Variants in NES observed in about 807,000 individuals in gnomAD.
NES encodes the protein nestin.
In NES, 27 loss-of-function variants were observed where a neutral mutation model predicts 35.6. The observed-to-expected ratio is 0.76, with a 90% confidence interval of 0.56 to 1.04. The LOEUF (loss-of-function observed/expected upper bound fraction) is 1.04, where lower values mean the gene tolerates loss of function less well. NES is among the 50% of genes least tolerant of loss of function. NES has a pLI of 0.00. For missense variants in NES, 1,867 were observed against 1,983.6 expected (o/e 0.94, Z 1.12); for synonymous variants, 822 against 824.2 (o/e 1.00, Z 0.04).
chr1:156,676,922 C>A lies in NES; in HGVS notation c.343G>T (p.Ala115Ser). 6.4e-7 allele frequency: 1 copy of A among 1,552,466 alleles called. No individual in the cohort carries two copies. The highest frequency in any genetic ancestry group is 8.6e-7 in the Non-Finnish European group (1 of 1,158,180). ...CGGGCGCATTTCTCTGCCTCGACGG[C>A]GCGCCGGTTGCGGGCTACCTCCTCC... ...TTEEVARNRR[A>S]VEAEKCARAW... Residue 115 changes from alanine (A) to serine (S), a missense_variant, in exon 1 of 4, where the codon GCC becomes TCC. Transcript: ENST00000368223. The surrounding 1 kb of genome is among the most constrained non-coding windows in gnomAD (Gnocchi z 5.3).
At position 156,672,458 on chromosome 1, in the gene NES, C is replaced by T. The variant is rs1413915375; in HGVS notation, c.1730G>A (p.Arg577Lys). The change falls in exon 4 of 4, where the codon AGG becomes AAG. Residue 577 changes from arginine to lysine, a missense_variant. By Grantham distance (26) the Arg-to-Lys change is conservative. Transcript: ENST00000368223. ...TLERENQECPRSLEEDLETLK... is the reference protein window; with the variant it reads ...TLERENQECPKSLEEDLETLK... ...TGTTTCTAAGTCTTCTTCTAAAGAC[C>T]TCGGACATTCTTGATTCTCCCTTTC... is the stretch of plus-strand genomic sequence containing the variant. 1 of 1,611,740 alleles carries T rather than the reference C, an allele frequency of 6.2e-7. No homozygotes were observed. Among genetic ancestry groups the T allele is most frequent in the African/African-American group, 1.3e-5 (1 of 74,584 alleles).
chr1:156,674,294 G>A (rs528828227), intron 2 of NES, among the ~76,000 whole-genome samples: 1 of 152,234 alleles, frequency 6.6e-6, no homozygotes, highest in Non-Finnish European at 1.5e-5. Flanking sequence ...ATGAGCAGCT[G>A]CTCCTCTCTG....
chr1:156,669,235 T>C lies in NES; in HGVS notation c.*87A>G. 1.2e-6 allele frequency: 1 copy of C among 867,698 alleles called. No homozygotes were observed. Among genetic ancestry groups the C allele is most frequent in the Non-Finnish European group, 1.7e-6 (1 of 571,966 alleles). 53.7% of individuals were successfully genotyped at this position (867,698 alleles called of 1,614,324 possible). A position where few individuals can be genotyped will look rare whatever the true frequency, so the allele number is the denominator to read the frequency against. On this transcript the variant is annotated 3_prime_UTR_variant, in exon 4 of 4. Transcript: ENST00000368223. ...ATGTCAAGAGATCGTAAGTTAAGAG[T>C]GCTGCTCCTGAGCAGGGAGCGGGCT... is the stretch of plus-strand genomic sequence containing the variant.
chr1:156,675,657 C>G (rs771364293), intron 1 of NES, among the ~76,000 whole-genome samples: 1 of 151,726 alleles, frequency 6.6e-6, no homozygotes, highest in Non-Finnish European at 1.5e-5. Flanking sequence ...AGGGAGGAGA[C>G]GAGATGGGTT....
In NES at chr1:156,670,307, G is replaced by A; in HGVS notation, c.3881C>T (p.Thr1294Ile). 2 of 1,611,854 alleles carry A rather than the reference G, an allele frequency of 1.2e-6. No homozygotes were observed. Among genetic ancestry groups the A allele is most frequent in the Non-Finnish European group, 1.7e-6 (2 of 1,178,754 alleles). ...EESEEDELGE[T>I]LPDSTPLGFY... is the part of the protein sequence containing the mutation. ...GCCCAGGGGAGTGGAGTCTGGAAGG[G>A]TCTCCCCGAGCTCATCCTCCTCGCT... The change falls in exon 4 of 4, where the codon ACC (threonine) becomes ATC (isoleucine). Residue 1294 changes from threonine (T) to isoleucine (I), a missense_variant. Thr to Ile is a moderately conservative substitution (Grantham distance 89). Transcript: ENST00000368223.
rs567586438 is a variant in NES at position 156,673,577 on chromosome 1, C to A, written c.909-50G>T. 1.6e-5 allele frequency: 23 copies of A among 1,454,698 alleles called. 1 individual carries two copies. In the South Asian group the frequency reaches 2.2e-4, roughly 14 times the overall value. 90.1% of individuals were successfully genotyped at this position (1,454,698 alleles called of 1,614,324 possible). ...GGTCAGCCCTCTGCCCCCAGGCCTG[C>A]AGGCAGCAAGCCAGCTGGGGACAAC... On this transcript the variant is annotated intron_variant, in intron 2 of 3. Transcript: ENST00000368223.
chr1:156,670,452 T>C lies in NES; in HGVS notation c.3736A>G (p.Ser1246Gly). Residue 1246 changes from serine to glycine, a missense_variant, in exon 4 of 4, where the codon AGC (serine) becomes GGC (glycine). Transcript: ENST00000368223. ...QPQAEGSQEA[S>G]WGVQGRAEAL... ...TCAGCCCTCCCCTGCACCCCCCAGC[T>C]AGCCTCCTGACTCCCTTCAGCCTGA... 6.4e-7 allele frequency: 1 copy of C among 1,561,528 alleles called. No individual in the cohort carries two copies. Among genetic ancestry groups the C allele is most frequent in the Non-Finnish European group, 8.7e-7 (1 of 1,153,644 alleles).
In NES at chr1:156,672,838, C is replaced by T. The variant is rs771013663; in HGVS notation, c.1350G>A (p.Gln450=). 4 of 1,613,922 alleles carry T rather than the reference C, an allele frequency of 2.5e-6. No homozygotes were observed. Among genetic ancestry groups the T allele is most frequent in the Non-Finnish European group, 2.5e-6 (3 of 1,180,036 alleles). The change falls in exon 4 of 4, where the codon CAG becomes CAA. Residue 450 remains glutamine (Q), a synonymous_variant. Transcript: ENST00000368223. The part of the protein sequence containing the change: ...VLPGPEEPGG[Q]RQEASTGQSP... ...ACTGGCCTGTACTGGCCTCTTGCCG[C>T]TGGCCCCCAGGCTCCTCTGGTCCAG...
rs745982008 is a variant in NES at position 156,677,072 on chromosome 1, C to A, written c.193G>T (p.Ala65Ser). The A allele has an allele frequency of 6.3e-7, 1 of 1,599,416 alleles. No individual in the cohort carries two copies. Among genetic ancestry groups the A allele is most frequent in the Admixed American group, 1.7e-5 (1 of 58,878 alleles). The change falls in exon 1 of 4, where the codon GCC becomes TCC. Residue 65 changes from alanine (A) to serine (S), a missense_variant. Ala to Ser is a moderately conservative substitution (Grantham distance 99, BLOSUM62 1). Coordinates refer to ENST00000368223, the MANE Select transcript of NES (RefSeq NM_006617.2). This position sits in a 1 kb window ranked among gnomAD's most constrained non-coding sequence, Gnocchi z 4.5. ...HADDELAALR[A>S]LVDQRWREKH... ...TCCCGCCAGCGTTGGTCAACGAGGG[C>A]CCGCAGGGCCGCCAGCTCGTCGTCG...
chr1:156,671,962 T>G lies in NES; in HGVS notation c.2226A>C (p.Lys742Asn), dbSNP rs1679744394. 1.2e-6 allele frequency: 2 copies of G among 1,614,092 alleles called. No individual in the cohort carries two copies. The highest frequency in any genetic ancestry group is 1.7e-6 in the Non-Finnish European group (2 of 1,180,048). ...CCTGTTCTTCTAAAGACCTCAGTGA[T>G]TTGTGATTCTCTGTTTCTAGAGGTC... ...IVRPLETENH[K>N]SLRSLEEQDQ... The change falls in exon 4 of 4, where the codon AAA becomes AAC. Residue 742 changes from lysine (K) to asparagine (N), a missense_variant. By Grantham distance (94) the Lys-to-Asn change is moderately conservative. Coordinates refer to ENST00000368223, the MANE Select transcript of NES (RefSeq NM_006617.2).
chr1:156,673,385 G>A, intron 3 of NES, 69 bp downstream of exon 3: 1 of 1,472,916 alleles, frequency 6.8e-7, no homozygotes, highest in Admixed American at 1.9e-5. Context: ...GTGCCTCTCG[G>A]GAAAGATAGG....
chr1:156,673,408 G>T (rs1295936614), intron 3 of NES, 46 bp downstream of exon 3: 1 of 1,558,304 alleles, frequency 6.4e-7, no homozygotes, highest in South Asian at 1.1e-5. Flanking sequence ...TGGGTATGAA[G>T]AGCAAAGCAG....
At chr1:156,673,296 G>C in intron 3 of NES, 91 bp from the exon 4 acceptor site, 3 of 1,306,956 alleles carry the variant, frequency 2.3e-6, no homozygotes, top group Non-Finnish European at 3.1e-6. Flanking sequence ...GAGTATCCAT[G>C]CGCCTGCCCC....
chr1:156,675,140 C>G lies in NES; in HGVS notation c.908+76G>C, dbSNP rs1272412796. On this transcript the variant is annotated intron_variant, in intron 2 of 3. Transcript: ENST00000368223. Reference sequence around the variant, plus strand: ...AGTTGCCATCACCTACACCTCTGGTCCCCTTCAGCCACGTAGTCTGCCCCA... The same window carrying G: ...AGTTGCCATCACCTACACCTCTGGTGCCCTTCAGCCACGTAGTCTGCCCCA... 3 of 1,544,078 alleles carry G rather than the reference C, an allele frequency of 1.9e-6. No homozygotes were observed. In the African/African-American group the frequency reaches 4.1e-5, roughly 21 times the overall value.
In NES at chr1:156,670,107, G is replaced by T. The variant is rs148115711; in HGVS notation, c.4081C>A (p.Arg1361Ser). The part of the protein sequence containing the change: ...EGEEGEEECG[R>S]DSDLSEEFED... ...AATTCTTCTGACAGGTCAGAGTCAC[G>T]GCCACACTCCTCTTCTCCCTCCTCC... Residue 1361 changes from arginine (R) to serine (S), a missense_variant, in exon 4 of 4, where the codon CGT (arginine) becomes AGT (serine). Coordinates refer to ENST00000368223, the MANE Select transcript of NES (RefSeq NM_006617.2). 9 of 1,613,762 alleles carry T rather than the reference G, an allele frequency of 5.6e-6. No homozygotes were observed. Among genetic ancestry groups the T allele is most frequent in the Non-Finnish European group, 7.6e-6 (9 of 1,179,944 alleles).
In NES at chr1:156,671,410, T is replaced by C. The variant is rs1429844267; in HGVS notation, c.2778A>G (p.Gly926=). Residue 926 remains glycine (G), a synonymous_variant, in exon 4 of 4, where the codon GGA becomes GGG. Transcript: ENST00000368223. ...GAGACCTCAGTGACTCTTGGTACTC[T>C]CCCTTTCCCAGGTTCTCTTCCTCTT... ...NLEEEENLGK[G]EYQESLRSLE... 1.2e-6 allele frequency: 2 copies of C among 1,614,000 alleles called. No individual in the cohort carries two copies. Among genetic ancestry groups the C allele is most frequent in the East Asian group, 4.5e-5 (2 of 44,890 alleles).
At chr1:156,674,749 C>T (rs1679805154) in intron 2 of NES, among the ~76,000 whole-genome samples, 1 of 152,212 alleles carries the variant, frequency 6.6e-6, no homozygotes, top group South Asian at 2.1e-4. Flanking sequence ...CCTTGGAAGT[C>T]CCCCAGCCCA....
In NES at chr1:156,677,407, T is replaced by A; in HGVS notation, c.-143A>T. On this transcript the variant is annotated 5_prime_UTR_variant, in exon 1 of 4. Transcript: ENST00000368223. The surrounding 1 kb of genome is among the most constrained non-coding windows in gnomAD (Gnocchi z 4.5). ...GCGGGGTGGGAGTAGCCTGAGCGAC[T>A]GAGAGTCGGGAGTGGGAGCGAGGCT... is the stretch of plus-strand genomic sequence containing the variant. 4.3e-6 allele frequency: 3 copies of A among 694,706 alleles called. No individual in the cohort carries two copies. In the South Asian group the frequency reaches 5.4e-5, roughly 12 times the overall value. The allele number at this position is 694,706 out of a possible 1,614,324, so 43.0% of individuals were successfully genotyped here.
chr1:156,672,319 C>A lies in NES; in HGVS notation c.1869G>T (p.Gln623His), dbSNP rs559781576. ...QLKPTGKEDT[Q>H]TLQSLQKENQ... ...TCTCCTTTTGCAGGGATTGCAATGTCTGTGTGTCCTCTTTTCCTGTAGGCT... is the reference window on the plus strand; with the variant it reads ...TCTCCTTTTGCAGGGATTGCAATGTATGTGTGTCCTCTTTTCCTGTAGGCT... Residue 623 changes from glutamine to histidine, a missense_variant, in exon 4 of 4, where the codon CAG becomes CAT. By Grantham distance (24) the Gln-to-His change is conservative. Transcript: ENST00000368223. The A allele has an allele frequency of 4.0e-5, 65 of 1,610,920 alleles. No individual in the cohort carries two copies. The South Asian group carries it at 6.7e-4, about 17-fold the overall frequency.
Sources: allele counts gnomAD v4.1 joint callset (sites outside exome capture counted in the v4.1 genomes callset), GRCh38; gene constraint gnomAD v4.1.1; non-coding constraint Gnocchi (gnomAD v3.1); transcripts MANE v1.5; gene names NCBI Gene and HGNC (gene_info 2026-07-23, HGNC 2026-07-21).